YWHAE: variants seen among roughly 807,000 people sequenced by gnomAD.
YWHAE encodes 14-3-3 protein epsilon.
In YWHAE, 4 loss-of-function variants were observed where a neutral mutation model predicts 30.1. The observed-to-expected ratio is 0.13, with a 90% CI of 0.07 to 0.30. The LOEUF (loss-of-function observed/expected upper bound fraction) is 0.30. Among genes scored for constraint, YWHAE ranks in the 10% least tolerant of loss-of-function variants. The pLI is 1.00. For synonymous variants in YWHAE, 118 were observed against 111.8 expected (o/e 1.06, Z -0.35); for missense variants, 121 against 315.9 (o/e 0.38, Z 4.68).
chr17:1,347,009 A>G (rs1325996308), intron 5 of YWHAE, among the ~76,000 whole-genome samples: 3 of 148,536 alleles, frequency 2.0e-5, no homozygotes, highest in East Asian at 2.0e-4. Context: ...AAAAAAAAGA[A>G]TAAATAAAAC....
At position 1,384,586 on chromosome 17, in the gene YWHAE, A is replaced by G. The variant is rs529611266; in HGVS notation, c.64+15461T>C. ...CAGGCACCTGTACTCCCAGCTACTC[A>G]GGAGGCTGAGGCAGGATAATGGAGT... is the stretch of plus-strand genomic sequence containing the variant. On this transcript the variant is annotated intron_variant, in intron 1 of 5. Transcript: ENST00000264335. Among the ~76,000 whole-genome samples the G allele has an allele frequency of 2.0e-4, 31 of 152,198 alleles. 1 individual carries two copies. Among genetic ancestry groups the G allele is most frequent in the African/African-American group, 6.0e-4 (25 of 41,546 alleles).
At chr17:1,365,275 G>A (rs7212894) in intron 1 of YWHAE, among the ~76,000 whole-genome samples, 110,909 of 151,810 alleles carry the variant, frequency 0.73, 41,793 homozygotes, top group African/African-American at 0.91. Context: ...GTTAGGTGGA[G>A]TGAGAAAGAC....
intron 1 of YWHAE, chr17:1,399,279 A>G (rs573335724): frequency 6.6e-5 from 10 of 152,254 alleles, no homozygotes; most frequent in African/African-American, 1.9e-4. Flanking sequence ...GAGGAAAGGG[A>G]GGGAGTGAGG....
In YWHAE at chr17:1,400,172, C is replaced by G; in HGVS notation, c.-62G>C. 1 of 1,594,750 alleles carries G rather than the reference C, an allele frequency of 6.3e-7. No individual in the cohort carries two copies. The highest frequency in any genetic ancestry group is 8.6e-7 in the Non-Finnish European group (1 of 1,163,418). On this transcript the variant is annotated 5_prime_UTR_variant, in exon 1 of 6. Transcript: ENST00000264335. ...GGAAGCGGATAGTGTCTCCGACTCTCTCAGCCTCTCGCTCCGCGTCCGGGC... is the reference window on the plus strand; with the variant it reads ...GGAAGCGGATAGTGTCTCCGACTCTGTCAGCCTCTCGCTCCGCGTCCGGGC...
Position 1,400,147 on chromosome 17 carries a change from G to C in YWHAE, c.-37C>G, listed in dbSNP as rs376066964. On this transcript the variant is annotated 5_prime_UTR_variant, in exon 1 of 6. Coordinates refer to ENST00000264335, the MANE Select transcript of YWHAE (RefSeq NM_006761.5). ...CTCCGGCAGGGTCTGCGCGACGGAT[G>C]GAAGCGGATAGTGTCTCCGACTCTC... The C allele has an allele frequency of 8.1e-6, 13 of 1,612,462 alleles. No homozygotes were observed. The highest frequency in any genetic ancestry group is 1.1e-5 in the Non-Finnish European group (13 of 1,178,728).
At position 1,400,113 on chromosome 17, in the gene YWHAE, C is replaced by G; in HGVS notation, c.-3G>C. ...ACCAGATCCTCTCGATCATCCATAG[C>G]GGCAGCGGCTCCGGCAGGGTCTGCG... On this transcript the variant is annotated 5_prime_UTR_variant, in exon 1 of 6. Transcript: ENST00000264335. The G allele has an allele frequency of 6.2e-7, 1 of 1,614,074 alleles. No homozygotes were observed. The highest frequency in any genetic ancestry group is 2.2e-5 in the East Asian group (1 of 44,878).
intron 1 of YWHAE, among the ~76,000 whole-genome samples, chr17:1,392,716 G>A (rs1043331152): frequency 6.6e-6 from 1 of 151,940 alleles, no homozygotes; most frequent in Non-Finnish European, 1.5e-5. Flanking sequence ...CAAGCATGAT[G>A]GCCCAAGTCT....
chr17:1,372,559 T>C (rs750798164), intron 1 of YWHAE, among the ~76,000 whole-genome samples: 20 of 152,244 alleles, frequency 1.3e-4, no homozygotes, highest in Admixed American at 2.6e-4. Flanking sequence ...GGACTCTTCC[T>C]TTCTCTTAAA....
At chr17:1,385,811 A>G (rs1441700018) in intron 1 of YWHAE, among the ~76,000 whole-genome samples, 1 of 152,150 alleles carries the variant, frequency 6.6e-6, no homozygotes, top group African/African-American at 2.4e-5. Context: ...AGCTGAGCCA[A>G]AAGACTGCTA....
intron 1 of YWHAE, among the ~76,000 whole-genome samples, chr17:1,380,925 C>G (rs2073196675): frequency 6.6e-6 from 1 of 152,208 alleles, no homozygotes; most frequent in South Asian, 2.1e-4. Flanking sequence ...TTCCCCTTCT[C>G]TACAATTCCT....
At chr17:1,346,756 GC>G (rs1567951466) in intron 5 of YWHAE, among the ~76,000 whole-genome samples, 1 of 150,842 alleles carries the variant, frequency 6.6e-6, no homozygotes, top group Non-Finnish European at 1.5e-5. Context: ...GGAAGCAAAG[GC>G]GGGCGGATCA....
intron 4 of YWHAE, among the ~76,000 whole-genome samples, chr17:1,359,946 G>A (rs1290393277): frequency 6.3e-5 from 5 of 79,826 alleles, no homozygotes; most frequent in Non-Finnish European, 1.3e-4. Flanking sequence ...GAGGGGGAGG[G>A]GGGGAGAGAG....
intron 1 of YWHAE, among the ~76,000 whole-genome samples, chr17:1,395,101 AAAAC>A (rs1163144590): frequency 2.0e-5 from 3 of 151,914 alleles, no homozygotes; most frequent in Non-Finnish European, 4.4e-5. Context: ...ATGAAAAAAA[AAAAC>A]AATCAGGCCG....
intron 5 of YWHAE, among the ~76,000 whole-genome samples, chr17:1,353,960 A>G (rs1016543075): frequency 4.6e-5 from 7 of 152,130 alleles, no homozygotes; most frequent in Non-Finnish European, 5.9e-5. Flanking sequence ...GATAAAATAA[A>G]CTGCTTGCTC....
intron 1 of YWHAE, among the ~76,000 whole-genome samples, chr17:1,365,362 T>C (rs1182444290): frequency 6.6e-6 from 1 of 152,132 alleles, no homozygotes; most frequent in Non-Finnish European, 1.5e-5. Flanking sequence ...CACACCTAAC[T>C]ATTTTCCAGC....
intron 2 of YWHAE, among the ~76,000 whole-genome samples, chr17:1,363,896 G>C (rs2072902302): frequency 6.6e-6 from 1 of 151,790 alleles, no homozygotes; most frequent in South Asian, 2.1e-4. Flanking sequence ...ACTCCCGACA[G>C]TTTGTTGTGG....
At position 1,400,186 on chromosome 17, in the gene YWHAE, C is replaced by A. The variant is rs987520974; in HGVS notation, c.-76G>T. 15 of 1,575,382 alleles carry A rather than the reference C, an allele frequency of 9.5e-6. No individual in the cohort carries two copies. In the African/African-American group the frequency reaches 1.8e-4, roughly 18 times the overall value. ...TCTCCGACTCTCTCAGCCTCTCGCTCCGCGTCCGGGCAGCAAAAATGGCGG... is the reference window on the plus strand; with the variant it reads ...TCTCCGACTCTCTCAGCCTCTCGCTACGCGTCCGGGCAGCAAAAATGGCGG... On this transcript the variant is annotated 5_prime_UTR_variant, in exon 1 of 6. Coordinates refer to ENST00000264335, the MANE Select transcript of YWHAE (RefSeq NM_006761.5).
rs894832192 is a variant in YWHAE, at chr17:1,344,550, T to G, written c.*897A>C. ...ATGGAGGCGCGATATTTGGCATTTTTAATTTAGGTTTGTTTTATTTAAGTT... is the reference window on the plus strand; with the variant it reads ...ATGGAGGCGCGATATTTGGCATTTTGAATTTAGGTTTGTTTTATTTAAGTT... On this transcript the variant is annotated 3_prime_UTR_variant, in exon 6 of 6. Coordinates refer to ENST00000264335, the MANE Select transcript of YWHAE (RefSeq NM_006761.5). 4.7e-6 allele frequency: 1 copy of G among 213,216 alleles called. No homozygotes were observed. The highest frequency in any genetic ancestry group is 9.5e-6 in the Non-Finnish European group (1 of 105,154). 13.2% of individuals were successfully genotyped at this position (213,216 alleles called of 1,614,324 possible).
intron 4 of YWHAE, 115 bp from the exon 5 acceptor site, chr17:1,354,462 A>G: frequency 9.4e-7 from 1 of 1,060,664 alleles, no homozygotes. Context: ...AGTCACAATG[A>G]TAATGCAAAG....
Sources: gnomAD v4.1 joint callset for allele counts (sites outside exome capture counted in the v4.1 genomes callset) on GRCh38, gnomAD v4.1.1 for gene constraint, MANE v1.5 for transcripts, NCBI Gene and HGNC (gene_info 2026-07-23, HGNC 2026-07-21) for gene names.